Variants in ADRA1B observed in about 807,000 individuals in gnomAD.
The protein encoded by ADRA1B is alpha-1B adrenergic receptor.
In ADRA1B, 17 loss-of-function variants were observed where a neutral mutation model predicts 17.9. The observed-to-expected ratio is 0.95, with a 90% CI of 0.65 to 1.42. ADRA1B has a LOEUF of 1.42. ADRA1B is among the 40% of genes most tolerant of loss of function. The probability of loss-of-function intolerance (pLI) is 0.00; values close to 1 mark genes in which losing one functional copy is unlikely to be tolerated. For synonymous variants in ADRA1B, 366 were observed against 327.6 expected (o/e 1.12, Z -1.27); for missense variants, 681 against 722.1 (o/e 0.94, Z 0.65).
Position 159,972,238 on chromosome 5 carries a change from C to T in ADRA1B, c.1309C>T (p.Pro437Ser). 2 of 1,352,102 alleles carry T rather than the reference C, an allele frequency of 1.5e-6. No homozygotes were observed. The highest frequency in any genetic ancestry group is 3.1e-5 in the Admixed American group (1 of 32,188). The allele number at this position is 1,352,102 out of a possible 1,614,324, so 83.8% of individuals were successfully genotyped here. Residue 437 changes from proline (P) to serine (S), a missense_variant, in exon 2 of 2, where the codon CCG (proline) becomes TCG (serine). Physicochemically the swap from Pro to Ser is moderately conservative, Grantham distance 74. Around this residue, in one of 3 missense-constraint regions of ADRA1B, gnomAD observed 251 missense variants for 224.9 expected, o/e 1.12. Transcript: ENST00000306675. ...GGGCTACCTGGGCCGCGGCGCGCCA[C>T]CGCCAGTCGAGCTGTGCGCCTTCCC... The part of the protein sequence containing the change: ...SPGYLGRGAP[P>S]PVELCAFPEW...
At position 159,972,375 on chromosome 5, in the gene ADRA1B, C is replaced by T; in HGVS notation, c.1446C>T (p.Pro482=). 3 of 1,512,762 alleles carry T rather than the reference C, an allele frequency of 2.0e-6. No homozygotes were observed. The highest frequency in any genetic ancestry group is 2.6e-6 in the Non-Finnish European group (3 of 1,137,008). The allele number at this position is 1,512,762 out of a possible 1,614,324, so 93.7% of individuals were successfully genotyped here. Residue 482 remains proline (P), a synonymous_variant, in exon 2 of 2, where the codon CCC becomes CCT. Coordinates refer to ENST00000306675, the MANE Select transcript of ADRA1B (RefSeq NM_000679.4). ...TCACCTTCAAGCTCCTGACCGAGCC[C>T]GAGAGCCCCGGGACCGACGGCGGCG... ...PLFTFKLLTE[P]ESPGTDGGAS... is the part of the protein sequence containing the mutation.
Position 159,972,453 on chromosome 5 carries a change from C to T in ADRA1B, c.1524C>T (p.Gly508=). 2 of 1,483,944 alleles carry T rather than the reference C, an allele frequency of 1.3e-6. No homozygotes were observed. The highest frequency in any genetic ancestry group is 1.8e-6 in the Non-Finnish European group (2 of 1,120,478). The allele number at this position is 1,483,944 out of a possible 1,614,324, so 91.9% of individuals were successfully genotyped here. The change falls in exon 2 of 2, where the codon GGC becomes GGT. Residue 508 remains glycine (G), a synonymous_variant. Transcript: ENST00000306675. ...AAADVANGQP[G]FKSNMPLAPG... ...CCGACGTGGCCAACGGGCAGCCGGGCTTCAAAAGCAACATGCCCCTGGCGC... is the reference window on the plus strand; with the variant it reads ...CCGACGTGGCCAACGGGCAGCCGGGTTTCAAAAGCAACATGCCCCTGGCGC...
At chr5:159,939,767 G>A (rs1486541497) in intron 1 of ADRA1B, among the ~76,000 whole-genome samples, 1 of 152,172 alleles carries the variant, frequency 6.6e-6, no homozygotes, top group Non-Finnish European at 1.5e-5. Context: ...TCCCTTCCCT[G>A]AACACACCTG....
intron 1 of ADRA1B, among the ~76,000 whole-genome samples, chr5:159,881,547 A>G (rs1185782949): frequency 1.3e-5 from 2 of 152,072 alleles, no homozygotes; most frequent in Non-Finnish European, 2.9e-5. Flanking sequence ...CCCAATAGAG[A>G]GGAATTGATT....
chr5:159,948,523 G>A, intron 1 of ADRA1B: 3 of 954,122 alleles, frequency 3.1e-6, no homozygotes, highest in Non-Finnish European at 3.7e-6. Context: ...TGTTTTCATT[G>A]TAGAAAATTT....
chr5:159,876,862 A>T (rs1278103461), intron 1 of ADRA1B, among the ~76,000 whole-genome samples: 1 of 152,184 alleles, frequency 6.6e-6, no homozygotes, highest in Non-Finnish European at 1.5e-5. Flanking sequence ...TCATTTTGTT[A>T]TGAACTCTAC....
At chr5:159,948,271 A>G (rs1755330992) in intron 1 of ADRA1B, 2 of 985,324 alleles carry the variant, frequency 2.0e-6, no homozygotes, top group South Asian at 4.7e-5. Flanking sequence ...AAGAAGCTGG[A>G]CCTTTTCACA....
At chr5:159,874,140 A>T (rs1753778548) in intron 1 of ADRA1B, among the ~76,000 whole-genome samples, 1 of 152,062 alleles carries the variant, frequency 6.6e-6, no homozygotes, top group Non-Finnish European at 1.5e-5. Context: ...CCCTCTGAAG[A>T]TTCCCAGGAT....
At position 159,972,830 on chromosome 5, in the gene ADRA1B, C is replaced by T. The variant is rs1474046928; in HGVS notation, c.*338C>T. On this transcript the variant is annotated 3_prime_UTR_variant, in exon 2 of 2. Coordinates refer to ENST00000306675, the MANE Select transcript of ADRA1B (RefSeq NM_000679.4). ...TGTGACTGTGCGGTGTGCGTGTGTT[C>T]CGCTTGTGTGTGTGCGTGGGGCCGC... Among the ~76,000 whole-genome samples, 1 of 152,118 alleles carries T rather than the reference C, an allele frequency of 6.6e-6. No individual in the cohort carries two copies. The highest frequency in any genetic ancestry group is 1.5e-5 in the Non-Finnish European group (1 of 68,012).
At chr5:159,885,377 A>G (rs1357950280) in intron 1 of ADRA1B, among the ~76,000 whole-genome samples, 1 of 152,128 alleles carries the variant, frequency 6.6e-6, no homozygotes, top group African/African-American at 2.4e-5. Context: ...GGTGAGTTCT[A>G]TTGGTCAAAT....
intron 1 of ADRA1B, among the ~76,000 whole-genome samples, chr5:159,967,776 A>T (rs1183946121): frequency 6.6e-6 from 1 of 152,200 alleles, no homozygotes; most frequent in Non-Finnish European, 1.5e-5. Context: ...AAAATGTGGC[A>T]GTAAATGCCC....
intron 1 of ADRA1B, among the ~76,000 whole-genome samples, chr5:159,966,994 G>A (rs956339672): frequency 6.6e-5 from 10 of 152,196 alleles, no homozygotes; most frequent in African/African-American, 2.4e-4. Flanking sequence ...TTTACATACT[G>A]TAAGCAAAGA....
chr5:159,917,573 A>T lies in ADRA1B; in HGVS notation c.668A>T (p.Tyr223Phe), dbSNP rs1754357621. Residue 223 changes from tyrosine (Y) to phenylalanine (F), a missense_variant, in exon 1 of 2, where the codon TAC becomes TTC. By Grantham distance (22) the Tyr-to-Phe change is conservative (BLOSUM62 3). This residue lies in a region of ADRA1B where 424 missense variants were observed against 480.2 expected (regional missense o/e 0.88). Transcript: ENST00000306675. ...YIPLAVILVM[Y>F]CRVYIVAKRT... The stretch of plus-strand genomic sequence containing the variant: ...CCTCTGGCGGTCATTCTAGTCATGT[A>T]CTGCCGTGTCTATATAGTGGCCAAG... 19 of 1,613,848 alleles carry T rather than the reference A, an allele frequency of 1.2e-5. No homozygotes were observed. Among genetic ancestry groups the T allele is most frequent in the Non-Finnish European group, 1.6e-5 (19 of 1,179,992 alleles).
intron 1 of ADRA1B, among the ~76,000 whole-genome samples, chr5:159,922,133 C>T (rs1754501426): frequency 6.6e-6 from 1 of 152,166 alleles, no homozygotes; most frequent in Non-Finnish European, 1.5e-5. Flanking sequence ...ACAAACATGG[C>T]CCCTGATTGA....
intron 1 of ADRA1B, among the ~76,000 whole-genome samples, chr5:159,965,337 C>T (rs993336905): frequency 2.0e-5 from 3 of 152,166 alleles, no homozygotes; most frequent in African/African-American, 7.2e-5. Context: ...AGGCTCAGGG[C>T]CAGGCTCGGG....
chr5:159,900,272 C>T lies in ADRA1B; in HGVS notation c.-255-15847C>T, dbSNP rs558272123. On this transcript the variant is annotated intron_variant, in intron 1 of 2. Coordinates refer to the ADRA1B transcript ENST00000641205. ...ATTTTATTAAATTCCCTCCAAATTC[C>T]AGTGATATTTTCAATGGAACAACAT... Among the ~76,000 whole-genome samples, 3 of 152,290 alleles carry T rather than the reference C, an allele frequency of 2.0e-5. No homozygotes were observed. The South Asian group carries it at 6.2e-4, about 32-fold the overall frequency.
chr5:159,985,721 T>C, the ADRA1B span, among the ~76,000 whole-genome samples: 7 of 152,234 alleles, frequency 4.6e-5, no homozygotes, highest in Non-Finnish European at 8.8e-5. Flanking sequence ...GAAATAATCT[T>C]GGAAGAAACT....
At chr5:159,878,840 A>G (rs1433654454) in intron 1 of ADRA1B, among the ~76,000 whole-genome samples, 2 of 152,218 alleles carry the variant, frequency 1.3e-5, no homozygotes, top group African/African-American at 2.4e-5. Flanking sequence ...TAGATCATGC[A>G]TGTATCCATT....
chr5:159,873,860 G>T (rs758905368), intron 1 of ADRA1B, among the ~76,000 whole-genome samples: 1 of 151,992 alleles, frequency 6.6e-6, no homozygotes, highest in Non-Finnish European at 1.5e-5. Context: ...CATTTTTTTT[G>T]ATGATGATCC....
Sources: allele counts gnomAD v4.1 joint callset (sites outside exome capture counted in the v4.1 genomes callset), GRCh38; gene constraint gnomAD v4.1.1; regional missense constraint gnomAD v4.1.1; transcripts MANE v1.5; gene names NCBI Gene and HGNC (gene_info 2026-07-23, HGNC 2026-07-21).